CCSER1: variants seen among roughly 807,000 people sequenced by gnomAD.
The protein encoded by CCSER1 is coiled-coil serine rich protein 1.
Under a neutral mutation model 82.0 loss-of-function variants are expected in CCSER1, and 41 were observed. The observed-to-expected ratio is 0.50, with a 90% CI of 0.39 to 0.65. The LOEUF (loss-of-function observed/expected upper bound fraction) is 0.65. Among genes scored for constraint, CCSER1 ranks in the 30% least tolerant of loss-of-function variants. CCSER1 has a pLI of 0.00. For missense variants in CCSER1, 1,119 were observed against 1,064.2 expected (o/e 1.05, Z -0.72); for synonymous variants, 414 against 383.9 (o/e 1.08, Z -0.92).
intron 1 of CCSER1, among the ~76,000 whole-genome samples, chr4:90,203,042 A>G (rs1019515711): frequency 1.3e-5 from 2 of 152,210 alleles, no homozygotes; most frequent in African/African-American, 4.8e-5. Context: ...AAAAAGTATA[A>G]TTACTTAACA....
At chr4:90,739,074 C>G (rs1310567165) in intron 7 of CCSER1, among the ~76,000 whole-genome samples, 1 of 152,202 alleles carries the variant, frequency 6.6e-6, no homozygotes, top group Non-Finnish European at 1.5e-5. Flanking sequence ...TGTGCTGGGT[C>G]ACACCTGAAG....
intron 9 of CCSER1, among the ~76,000 whole-genome samples, chr4:90,960,060 G>A (rs944911733): frequency 6.6e-6 from 1 of 152,054 alleles, no homozygotes; most frequent in Admixed American, 6.6e-5. Flanking sequence ...TCAAAGATAA[G>A]GAAATAGCTT....
chr4:91,459,516 C>T (rs955299152), intron 10 of CCSER1, among the ~76,000 whole-genome samples: 2 of 152,062 alleles, frequency 1.3e-5, no homozygotes, highest in African/African-American at 4.8e-5. Context: ...GACCGAAGAG[C>T]TGTGATATAC....
At chr4:90,930,807 A>C (rs1729654467) in intron 9 of CCSER1, among the ~76,000 whole-genome samples, 1 of 150,690 alleles carries the variant, frequency 6.6e-6, no homozygotes, top group Admixed American at 6.6e-5. Context: ...GTTTAAAGTA[A>C]ATTTTTGTGG....
chr4:91,147,977 T>C (rs75406051), intron 10 of CCSER1, among the ~76,000 whole-genome samples: 1 of 152,204 alleles, frequency 6.6e-6, no homozygotes, highest in Non-Finnish European at 1.5e-5. Flanking sequence ...TTAGTAGATA[T>C]AGATTTTATT....
In CCSER1 at chr4:91,422,573, T is replaced by C. The variant is rs186393424; in HGVS notation, c.2218-175999T>C. ...GACATTGGTGCTTATGAAATACTCA[T>C]TGTTTGATTCATGTTTTTTAATTTT... On this transcript the variant is annotated intron_variant, in intron 10 of 10. Transcript: ENST00000509176. 2.4e-3 allele frequency among the ~76,000 whole-genome samples: 372 copies of C among 152,312 alleles called. 8 individuals carry two copies. In the East Asian group the frequency reaches 0.052, roughly 21 times the overall value.
At chr4:91,499,334 C>A (rs1759086266) in intron 10 of CCSER1, among the ~76,000 whole-genome samples, 1 of 151,872 alleles carries the variant, frequency 6.6e-6, no homozygotes, top group African/African-American at 2.4e-5. Context: ...TTTTAAAGCA[C>A]TTTTTAGTTT....
At chr4:90,358,362 A>G (rs1744719296) in intron 3 of CCSER1, among the ~76,000 whole-genome samples, 3 of 151,976 alleles carry the variant, frequency 2.0e-5, no homozygotes, top group Non-Finnish European at 2.9e-5. Flanking sequence ...TCCACCACCA[A>G]CTAGCTCTGT....
chr4:90,451,973 C>G (rs1761517793), intron 4 of CCSER1, among the ~76,000 whole-genome samples: 1 of 152,078 alleles, frequency 6.6e-6, no homozygotes, highest in African/African-American at 2.4e-5. Context: ...ACATGGAGGA[C>G]TAGGAAAGCA....
At chr4:90,528,526 T>C (rs1035090153) in intron 5 of CCSER1, among the ~76,000 whole-genome samples, 2 of 152,198 alleles carry the variant, frequency 1.3e-5, no homozygotes, top group African/African-American at 4.8e-5. Context: ...GTTTTAGAAA[T>C]TTGATTTTAT....
intron 7 of CCSER1, among the ~76,000 whole-genome samples, chr4:90,784,209 A>G (rs7683055): frequency 0.2 from 30,529 of 152,066 alleles, 3,464 homozygotes; most frequent in South Asian, 0.27. Flanking sequence ...CCTTGCCCAT[A>G]CTGTTCCTCG....
At chr4:90,147,897 G>A (rs1471784703) in intron 1 of CCSER1, among the ~76,000 whole-genome samples, 1 of 152,134 alleles carries the variant, frequency 6.6e-6, no homozygotes, top group African/African-American at 2.4e-5. Context: ...GGGCATGGTG[G>A]CTGACTCCTG....
chr4:90,557,368 T>G (rs1778261814), intron 5 of CCSER1, among the ~76,000 whole-genome samples: 1 of 152,034 alleles, frequency 6.6e-6, no homozygotes, highest in African/African-American at 2.4e-5. Context: ...ATTTGAAGAT[T>G]CCAAATAAGT....
At chr4:91,185,640 A>G (rs1026174573) in intron 10 of CCSER1, among the ~76,000 whole-genome samples, 5 of 152,196 alleles carry the variant, frequency 3.3e-5, no homozygotes, top group Non-Finnish European at 7.3e-5. Context: ...ATTTCCCAAA[A>G]TCAGGTTCCC....
At chr4:91,586,059 A>T (rs564562148) in intron 10 of CCSER1, among the ~76,000 whole-genome samples, 1 of 151,662 alleles carries the variant, frequency 6.6e-6, no homozygotes, top group Non-Finnish European at 1.5e-5. Context: ...CAGAATATAA[A>T]TAGAATCGCT....
chr4:91,378,772 A>T (rs985416356), intron 10 of CCSER1, among the ~76,000 whole-genome samples: 4 of 152,168 alleles, frequency 2.6e-5, no homozygotes, highest in African/African-American at 9.7e-5. Flanking sequence ...CCCTGGCCAG[A>T]ACTTCCAACC....
At chr4:91,438,556 T>A (rs1286776826) in intron 10 of CCSER1, among the ~76,000 whole-genome samples, 5 of 151,960 alleles carry the variant, frequency 3.3e-5, no homozygotes, top group African/African-American at 9.7e-5. Context: ...AAAAACTGGA[T>A]ACTCTAAAAA....
intron 10 of CCSER1, among the ~76,000 whole-genome samples, chr4:91,261,754 A>G (rs1741149922): frequency 6.6e-6 from 1 of 152,240 alleles, no homozygotes; most frequent in South Asian, 2.1e-4. Context: ...ACCAGATAAA[A>G]GGAACAAAGG....
chr4:91,354,337 G>C (rs1207131549), intron 10 of CCSER1, among the ~76,000 whole-genome samples: 4 of 152,082 alleles, frequency 2.6e-5, no homozygotes, highest in Admixed American at 2.6e-4. Flanking sequence ...TGTTTTTATC[G>C]GCAGTAAGAA....
Sources: allele counts gnomAD v4.1 joint callset (sites outside exome capture counted in the v4.1 genomes callset), GRCh38; gene constraint gnomAD v4.1.1; transcripts MANE v1.5; gene names NCBI Gene and HGNC (gene_info 2026-07-23, HGNC 2026-07-21).